SHTN1: variants seen among roughly 807,000 people sequenced by gnomAD.
SHTN1 encodes shootin 1, also known as shootin-1.
A neutral mutation model predicts 83.1 loss-of-function variants in SHTN1; 42 were observed. The observed-to-expected ratio is 0.51, with a 90% CI of 0.39 to 0.65. The LOEUF (loss-of-function observed/expected upper bound fraction) is 0.65. Ranked by LOEUF, SHTN1 falls within the 30% of genes least tolerant of loss-of-function variation. The pLI is 0.00. For missense variants in SHTN1, 622 were observed against 737.8 expected, an observed-to-expected ratio of 0.84 and a Z score of 1.82; for synonymous variants, 224 against 247.7, an observed-to-expected ratio of 0.90 and a Z score of 0.90.
At chr10:116,903,581 A>T (rs1411922230) in intron 15 of SHTN1, among the ~76,000 whole-genome samples, 1 of 152,150 alleles carries the variant, frequency 6.6e-6, no homozygotes, top group Non-Finnish European at 1.5e-5. Context: ...TGTTGCATGG[A>T]GCTGTGGCAG....
chr10:117,035,873 G>C lies in SHTN1; in HGVS notation c.-123+12572C>G, dbSNP rs1055368166. Among the ~76,000 whole-genome samples, 6 of 147,886 alleles carry C rather than the reference G, an allele frequency of 4.1e-5. No individual in the cohort carries two copies. In the East Asian group the frequency reaches 1.2e-3, roughly 30 times the overall value. ...GAGGCAGGAGAATCGCTTGAACCTG[G>C]GAGGTGGAGGTTCTGGTGAGCCGAG... On this transcript the variant is annotated intron_variant, in intron 2 of 17. Coordinates refer to the SHTN1 transcript ENST00000392901.
At chr10:117,112,466 G>C (rs1279451198) in intron 1 of SHTN1, among the ~76,000 whole-genome samples, 2 of 152,180 alleles carry the variant, frequency 1.3e-5, no homozygotes, top group African/African-American at 4.8e-5. Context: ...CATGATACTG[G>C]AATGTTATTA....
intron 1 of SHTN1, among the ~76,000 whole-genome samples, chr10:116,981,894 T>C (rs1397774147): frequency 6.6e-6 from 1 of 152,118 alleles, no homozygotes; most frequent in East Asian, 1.9e-4. Flanking sequence ...CCGTCTCTAC[T>C]AAAAATACAA....
At chr10:117,043,311 T>C (rs1852613170) in intron 2 of SHTN1, among the ~76,000 whole-genome samples, 1 of 152,016 alleles carries the variant, frequency 6.6e-6, no homozygotes, top group South Asian at 2.1e-4. Flanking sequence ...TTTTTTTGTA[T>C]TTTTAGTAGA....
chr10:116,906,002 C>T (rs1212468863), intron 15 of SHTN1, among the ~76,000 whole-genome samples: 1 of 152,178 alleles, frequency 6.6e-6, no homozygotes, highest in African/African-American at 2.4e-5. Context: ...TGGAATTTCC[C>T]AGTCACTCAG....
intron 2 of SHTN1, among the ~76,000 whole-genome samples, chr10:117,040,116 T>G (rs919844446): frequency 6.6e-6 from 1 of 152,118 alleles, no homozygotes; most frequent in African/African-American, 2.4e-5. Flanking sequence ...CTTCCTAAAC[T>G]GATCAATAGA....
intron 1 of SHTN1, among the ~76,000 whole-genome samples, chr10:117,120,430 A>G (rs1246299418): frequency 1.3e-5 from 2 of 151,918 alleles, no homozygotes; most frequent in Non-Finnish European, 2.9e-5. Context: ...TTGTATTTTT[A>G]GTAGAGACGG....
intron 2 of SHTN1, among the ~76,000 whole-genome samples, chr10:117,022,854 G>T (rs1449905046): frequency 6.6e-6 from 1 of 152,164 alleles, no homozygotes; most frequent in Non-Finnish European, 1.5e-5. Flanking sequence ...GGAAGGGAAG[G>T]TTGCAGTGAG....
At chr10:116,908,960 A>G (rs535890926) in intron 14 of SHTN1, among the ~76,000 whole-genome samples, 1 of 152,330 alleles carries the variant, frequency 6.6e-6, no homozygotes, top group Non-Finnish European at 1.5e-5. Context: ...TGGAGGAAAG[A>G]AAGGTTTCTG....
intron 1 of SHTN1, among the ~76,000 whole-genome samples, chr10:116,983,676 ATAG>A (rs1851119432): frequency 4.8e-5 from 3 of 63,010 alleles, no homozygotes; most frequent in African/African-American, 1.2e-4. Flanking sequence ...AGATAGATAG[ATAG>A]ATAGATAAAT....
chr10:116,932,448 C>T (rs1272165295), intron 9 of SHTN1, among the ~76,000 whole-genome samples: 2 of 152,160 alleles, frequency 1.3e-5, no homozygotes, highest in Non-Finnish European at 2.9e-5. Context: ...GGTACAGTTT[C>T]ATCCCAAAAC....
intron 2 of SHTN1, among the ~76,000 whole-genome samples, chr10:117,018,579 T>G (rs117986981): frequency 0.57 from 79,466 of 138,256 alleles, 26,206 homozygotes; most frequent in Middle Eastern, 0.74. Flanking sequence ...TTTTTTTTTT[T>G]TTTTTTTTTT....
chr10:117,102,446 C>A (rs1414509960), intron 1 of SHTN1, among the ~76,000 whole-genome samples: 1 of 152,020 alleles, frequency 6.6e-6, no homozygotes, highest in Non-Finnish European at 1.5e-5. Flanking sequence ...ACTTCAAATA[C>A]CTGAGGAAAT....
chr10:117,023,388 A>G (rs533749880), intron 2 of SHTN1, among the ~76,000 whole-genome samples: 2 of 152,336 alleles, frequency 1.3e-5, no homozygotes, highest in East Asian at 3.9e-4. Flanking sequence ...AAGAGACAAA[A>G]TAAGATTGGA....
chr10:117,122,181 T>C (rs910905216), intron 1 of SHTN1, among the ~76,000 whole-genome samples: 1 of 149,954 alleles, frequency 6.7e-6, no homozygotes, highest in Non-Finnish European at 1.5e-5. Context: ...CTATTTATTG[T>C]TTGTTTGTTT....
intron 1 of SHTN1, among the ~76,000 whole-genome samples, chr10:117,078,249 A>C (rs1433579918): frequency 1.3e-5 from 2 of 152,162 alleles, no homozygotes; most frequent in African/African-American, 4.8e-5. Flanking sequence ...TCTGAAGACA[A>C]AGCACAATCG....
intron 1 of SHTN1, among the ~76,000 whole-genome samples, chr10:117,079,805 T>C (rs1345192555): frequency 5.5e-5 from 8 of 146,254 alleles, no homozygotes; most frequent in South Asian, 4.5e-4. Flanking sequence ...GAGCACTTTT[T>C]CATGTGTTTT....
rs201714392 is a variant in SHTN1, at chr10:117,114,841, C to T, written c.-189+11466G>A. Among the ~76,000 whole-genome samples, 3 of 152,326 alleles carry T rather than the reference C, an allele frequency of 2.0e-5. No individual in the cohort carries two copies. The East Asian group carries it at 5.8e-4, about 29-fold the overall frequency. On this transcript the variant is annotated intron_variant, in intron 1 of 17. Coordinates refer to the SHTN1 transcript ENST00000392901. Reference sequence around the variant, plus strand: ...TTTAAAGGAGATCTGGTTCTGCACACTGTAATTCTTCCAAGCTGCTCAAGG... The same window carrying T: ...TTTAAAGGAGATCTGGTTCTGCACATTGTAATTCTTCCAAGCTGCTCAAGG...
chr10:117,015,080 A>ATT (rs148966573), intron 2 of SHTN1, among the ~76,000 whole-genome samples: 1 of 148,838 alleles, frequency 6.7e-6, no homozygotes, highest in African/African-American at 2.5e-5. Context: ...ATCCTGAGGC[A>ATT]TTTTTTTTTT....
Sources: allele counts gnomAD v4.1 joint callset (sites outside exome capture counted in the v4.1 genomes callset), GRCh38; gene constraint gnomAD v4.1.1; transcripts MANE v1.5; gene names NCBI Gene and HGNC (gene_info 2026-07-23, HGNC 2026-07-21).